TNPO3: variants seen among roughly 807,000 people sequenced by gnomAD.
TNPO3 encodes the protein transportin 3.
Under a neutral mutation model 122.8 loss-of-function variants are expected in TNPO3, and 65 were observed. The observed-to-expected ratio is 0.53, with a 90% CI of 0.43 to 0.65. The LOEUF (loss-of-function observed/expected upper bound fraction) is 0.65. Ranked by LOEUF, TNPO3 falls within the 30% of genes least tolerant of loss-of-function variation. The pLI is 0.00. For missense variants in TNPO3, 850 were observed against 1,136.7 expected (o/e 0.75, Z 3.63); for synonymous variants, 372 against 411.2 (o/e 0.90, Z 1.15).
intron 1 of TNPO3, among the ~76,000 whole-genome samples, chr7:129,053,503 A>T (rs1809061017): frequency 6.6e-6 from 1 of 151,804 alleles, no homozygotes; most frequent in Non-Finnish European, 1.5e-5. Flanking sequence ...TCAAAAAAAA[A>T]AAAAAAAAAA....
chr7:129,001,381 T>C, intron 5 of TNPO3, 147 bp from the exon 6 acceptor site: 2 of 639,456 alleles, frequency 3.1e-6, no homozygotes, highest in Non-Finnish European at 5.0e-6. Context: ...AAAACACAAA[T>C]TTAAAAATTA....
chr7:129,040,598 T>C (rs1056702047), intron 1 of TNPO3, among the ~76,000 whole-genome samples: 1 of 152,186 alleles, frequency 6.6e-6, no homozygotes, highest in African/African-American at 2.4e-5. Flanking sequence ...AAATTACCTC[T>C]CGTTAAAAAA....
chr7:128,975,297 T>A (rs1006760540), intron 17 of TNPO3, among the ~76,000 whole-genome samples: 3 of 152,222 alleles, frequency 2.0e-5, no homozygotes, highest in African/African-American at 4.8e-5. Context: ...GGAGTGGAAG[T>A]TTTTATAATA....
intron 20 of TNPO3, among the ~76,000 whole-genome samples, chr7:128,968,184 A>T (rs1798108163): frequency 6.6e-6 from 1 of 152,234 alleles, no homozygotes; most frequent in African/African-American, 2.4e-5. Flanking sequence ...TATGAGACAT[A>T]TGAGTCCAGA....
intron 1 of TNPO3, among the ~76,000 whole-genome samples, chr7:129,048,300 G>A (rs1480100927): frequency 2.0e-5 from 3 of 152,094 alleles, no homozygotes; most frequent in African/African-American, 7.2e-5. Context: ...AGGCCAAGGC[G>A]GCCAGATCAC....
At chr7:129,020,642 T>C (rs1563105295) in intron 1 of TNPO3, among the ~76,000 whole-genome samples, 1 of 152,148 alleles carries the variant, frequency 6.6e-6, no homozygotes. Flanking sequence ...GGTTTCGCCA[T>C]GTTGCCCAGG....
chr7:129,011,687 TG>T (rs1406762179), intron 4 of TNPO3, among the ~76,000 whole-genome samples: 1 of 152,202 alleles, frequency 6.6e-6, no homozygotes, highest in Non-Finnish European at 1.5e-5. Context: ...GAATATGGTC[TG>T]GGTTTATCAG....
At chr7:128,982,409 C>A in intron 13 of TNPO3, 85 bp from the exon 14 acceptor site, 1 of 1,197,418 alleles carries the variant, frequency 8.4e-7, no homozygotes, top group South Asian at 1.3e-5. Flanking sequence ...ACCTTTGTCT[C>A]AATCTCTGCT....
At chr7:129,016,498 C>T (rs1803875032) in intron 3 of TNPO3, among the ~76,000 whole-genome samples, 2 of 152,180 alleles carry the variant, frequency 1.3e-5, no homozygotes, top group Admixed American at 1.3e-4. Flanking sequence ...AACTTCCCAA[C>T]CAAATGCAAG....
chr7:128,968,189 T>C (rs1302031792), intron 20 of TNPO3, among the ~76,000 whole-genome samples: 1 of 152,152 alleles, frequency 6.6e-6, no homozygotes, highest in Non-Finnish European at 1.5e-5. Flanking sequence ...GACATATGAG[T>C]CCAGAATCTT....
At chr7:129,031,047 C>T (rs111637762) in intron 1 of TNPO3, among the ~76,000 whole-genome samples, 40,534 of 152,160 alleles carry the variant, frequency 0.27, 6,262 homozygotes, top group Middle Eastern at 0.38. Context: ...CACTTTGGGA[C>T]GCCAAGGCGG....
upstream of TNPO3, chr7:129,056,087 G>A (rs1467304397): frequency 7.1e-6 from 8 of 1,126,380 alleles, no homozygotes; most frequent in African/African-American, 7.6e-5. Flanking sequence ...AATGTCTGGG[G>A]GAGCTCATCG....
intron 4 of TNPO3, among the ~76,000 whole-genome samples, chr7:129,006,489 C>T (rs549156715): frequency 2.0e-5 from 3 of 152,092 alleles, no homozygotes; most frequent in Admixed American, 1.3e-4. Flanking sequence ...CTCAATGTTT[C>T]TCCTTGTAGT....
intron 21 of TNPO3, 29 bp downstream of exon 21, chr7:128,967,251 C>G (rs955913984): frequency 3.0e-6 from 4 of 1,348,076 alleles, no homozygotes; most frequent in Admixed American, 1.7e-5. Flanking sequence ...ACATCCCACA[C>G]CTCCTTAAGA....
At chr7:129,041,704 A>G (rs1807396784) in intron 1 of TNPO3, 1 of 985,410 alleles carries the variant, frequency 1.0e-6, no homozygotes, top group African/African-American at 1.7e-5. Flanking sequence ...CACTAGCAGC[A>G]CATTTCAAAG....
chr7:128,958,342 A>C (rs1299048569), intron 21 of TNPO3, among the ~76,000 whole-genome samples: 1 of 151,856 alleles, frequency 6.6e-6, no homozygotes, highest in Non-Finnish European at 1.5e-5. Flanking sequence ...ATGTGGTTTC[A>C]CCATGTTGGC....
At chr7:129,051,178 G>GA (rs1176227393) in intron 1 of TNPO3, among the ~76,000 whole-genome samples, 2 of 150,336 alleles carry the variant, frequency 1.3e-5, no homozygotes, top group Non-Finnish European at 3.0e-5. Flanking sequence ...TTACCAACAG[G>GA]AAAAAAAAGG....
chr7:129,011,098 G>A (rs557315717), intron 4 of TNPO3, among the ~76,000 whole-genome samples: 1 of 152,280 alleles, frequency 6.6e-6, no homozygotes, highest in Admixed American at 6.5e-5. Flanking sequence ...AACCCCTACT[G>A]AGAAGGGCTG....
At chr7:128,968,030 C>T (rs936833965) in intron 20 of TNPO3, among the ~76,000 whole-genome samples, 1 of 152,130 alleles carries the variant, frequency 6.6e-6, no homozygotes, top group Non-Finnish European at 1.5e-5. Context: ...CAGGTGTAAG[C>T]ACTTGACCAG....
Sources: allele counts gnomAD v4.1 joint callset (sites outside exome capture counted in the v4.1 genomes callset), GRCh38; gene constraint gnomAD v4.1.1; transcripts MANE v1.5; gene names NCBI Gene and HGNC (gene_info 2026-07-23, HGNC 2026-07-21).